EPHA6: variants seen among roughly 807,000 people sequenced by gnomAD.
EPHA6 encodes the protein ephrin type-A receptor 6.
In EPHA6, 50 loss-of-function variants were observed where a neutral mutation model predicts 112.0. That is an observed-to-expected ratio of 0.45 (90% CI 0.36 to 0.56). EPHA6 has a LOEUF of 0.56. EPHA6 is among the 20% of genes least tolerant of loss of function. The pLI is 0.00. For synonymous variants in EPHA6, 529 were observed against 490.7 expected (o/e 1.08, Z -1.03); for missense variants, 1,280 against 1,417.4 (o/e 0.90, Z 1.56).
intron 16 of EPHA6, among the ~76,000 whole-genome samples, chr3:97,742,059 A>G (rs1387031097): frequency 6.6e-6 from 1 of 152,178 alleles, no homozygotes; most frequent in Non-Finnish European, 1.5e-5. Flanking sequence ...AAAATATGGC[A>G]GTAACATCAC....
intron 7 of EPHA6, among the ~76,000 whole-genome samples, chr3:97,455,030 C>G (rs1320257549): frequency 6.6e-6 from 1 of 151,920 alleles, no homozygotes; most frequent in African/African-American, 2.4e-5. Context: ...CATCTAAATG[C>G]AAACATCAGT....
At chr3:97,118,143 G>A (rs2047945136) in intron 3 of EPHA6, among the ~76,000 whole-genome samples, 2 of 151,766 alleles carry the variant, frequency 1.3e-5, no homozygotes, top group South Asian at 4.2e-4. Context: ...TTTTACTGAA[G>A]CCAGAGCAAC....
rs79523474 is a variant in EPHA6 at position 97,676,403 on chromosome 3, C to T, written c.2784+38321C>T. On this transcript the variant is annotated intron_variant, in intron 14 of 17. Coordinates refer to ENST00000389672, the MANE Select transcript of EPHA6 (RefSeq NM_001080448.3). ...TGACCATTTGATTTAGCAACAAGAACGTCATTGATGTATTTGAAGGCATAG... is the reference window on the plus strand; with the variant it reads ...TGACCATTTGATTTAGCAACAAGAATGTCATTGATGTATTTGAAGGCATAG... 9.4e-3 allele frequency among the ~76,000 whole-genome samples: 1,423 copies of T among 152,164 alleles called. 18 individuals carry two copies. The highest frequency in any genetic ancestry group is 0.032 in the African/African-American group (1,343 of 41,498).
chr3:97,013,531 T>G (rs1201652578), intron 3 of EPHA6, among the ~76,000 whole-genome samples: 1 of 152,146 alleles, frequency 6.6e-6, no homozygotes, highest in African/African-American at 2.4e-5. Context: ...TTGCCATTAA[T>G]TATCACAGTC....
chr3:97,642,452 C>T (rs1188725182), intron 14 of EPHA6, among the ~76,000 whole-genome samples: 7 of 145,420 alleles, frequency 4.8e-5, no homozygotes, highest in Admixed American at 1.4e-4. Context: ...ATGACTTTGA[C>T]GAGCTGAGAG....
chr3:97,536,677 A>G (rs2092769015), intron 11 of EPHA6, among the ~76,000 whole-genome samples: 1 of 152,124 alleles, frequency 6.6e-6, no homozygotes. Context: ...AGCCAAATAC[A>G]TTTTAGTACT....
At chr3:96,966,385 A>G (rs1418916124) in intron 2 of EPHA6, among the ~76,000 whole-genome samples, 1 of 152,124 alleles carries the variant, frequency 6.6e-6, no homozygotes, top group Non-Finnish European at 1.5e-5. Context: ...TCCTAGTGCC[A>G]TAGAGCAGAG....
At chr3:96,898,534 T>C (rs2038409648) in intron 2 of EPHA6, among the ~76,000 whole-genome samples, 1 of 152,208 alleles carries the variant, frequency 6.6e-6, no homozygotes, top group Non-Finnish European at 1.5e-5. Flanking sequence ...TACCCATTCA[T>C]AAATTACTTA....
intron 15 of EPHA6, among the ~76,000 whole-genome samples, 192 bp from the exon 16 acceptor site, chr3:97,735,733 G>A (rs982029760): frequency 2.6e-5 from 4 of 151,860 alleles, no homozygotes; most frequent in Non-Finnish European, 4.4e-5. Flanking sequence ...CTCGTAGGGT[G>A]AGCAGATGCT....
chr3:96,895,658 T>G (rs999432049), intron 2 of EPHA6, among the ~76,000 whole-genome samples: 3 of 152,104 alleles, frequency 2.0e-5, no homozygotes, highest in African/African-American at 2.4e-5. Flanking sequence ...TATACTGTTT[T>G]TTGTTGTTGT....
chr3:97,158,427 C>T (rs1463362048), intron 3 of EPHA6, among the ~76,000 whole-genome samples: 1 of 152,098 alleles, frequency 6.6e-6, no homozygotes, highest in African/African-American at 2.4e-5. Context: ...TAGCAGGCAC[C>T]TCAAGTGGTC....
At chr3:97,341,999 CA>C (rs1345214083) in intron 5 of EPHA6, among the ~76,000 whole-genome samples, 2 of 152,094 alleles carry the variant, frequency 1.3e-5, no homozygotes, top group Non-Finnish European at 2.9e-5. Context: ...CTGAATACAT[CA>C]AAGCTATTTC....
intron 3 of EPHA6, among the ~76,000 whole-genome samples, chr3:97,116,102 A>G (rs914294836): frequency 1.3e-5 from 2 of 151,794 alleles, no homozygotes; most frequent in Non-Finnish European, 3.0e-5. Flanking sequence ...GATAAAGGGA[A>G]ACAAAAATGA....
intron 12 of EPHA6, among the ~76,000 whole-genome samples, chr3:97,607,431 AT>A (rs2093688262): frequency 6.6e-6 from 1 of 151,100 alleles, no homozygotes; most frequent in East Asian, 1.9e-4. Context: ...TTTCTTTTCT[AT>A]AACAGAAAAG....
chr3:96,968,021 C>G (rs569703358), intron 2 of EPHA6, among the ~76,000 whole-genome samples: 1 of 151,532 alleles, frequency 6.6e-6, no homozygotes, highest in Non-Finnish European at 1.5e-5. Context: ...TATTTATATG[C>G]TTACTATTTT....
intron 14 of EPHA6, among the ~76,000 whole-genome samples, chr3:97,717,574 ATCT>A (rs961156839): frequency 1.3e-5 from 2 of 152,148 alleles, no homozygotes; most frequent in African/African-American, 4.8e-5. Context: ...ATACCTTTTC[ATCT>A]TCTTATAAGG....
intron 14 of EPHA6, among the ~76,000 whole-genome samples, chr3:97,679,951 T>C (rs1414034456): frequency 6.6e-6 from 1 of 152,204 alleles, no homozygotes; most frequent in Admixed American, 6.5e-5. Flanking sequence ...TTATTTTCAG[T>C]GGAACATATT....
intron 5 of EPHA6, among the ~76,000 whole-genome samples, chr3:97,329,424 G>T (rs965330612): frequency 1.3e-4 from 20 of 150,412 alleles, no homozygotes; most frequent in Admixed American, 4.0e-4. Flanking sequence ...CTAGTTTACA[G>T]TCCCACCAAC....
At chr3:97,045,886 A>G (rs776469888) in intron 3 of EPHA6, among the ~76,000 whole-genome samples, 4 of 152,014 alleles carry the variant, frequency 2.6e-5, no homozygotes, top group Non-Finnish European at 4.4e-5. Flanking sequence ...CATTTTCACA[A>G]TATAATAAGA....
Sources: gnomAD v4.1 joint callset for allele counts (sites outside exome capture counted in the v4.1 genomes callset) on GRCh38, gnomAD v4.1.1 for gene constraint, MANE v1.5 for transcripts, NCBI Gene and HGNC (gene_info 2026-07-23, HGNC 2026-07-21) for gene names.